PDE4D: variants seen among roughly 807,000 people sequenced by gnomAD.
The protein encoded by PDE4D is phosphodiesterase 4D.
Under a neutral mutation model 87.4 loss-of-function variants are expected in PDE4D, and 24 were observed. The observed-to-expected ratio is 0.27, with a 90% confidence interval of 0.20 to 0.39. The LOEUF (loss-of-function observed/expected upper bound fraction) is 0.39. Ranked by LOEUF, PDE4D falls within the 10% of genes least tolerant of loss-of-function variation. PDE4D has a pLI of 1.00. For missense variants in PDE4D, 714 were observed against 1,041.0 expected (o/e 0.69, Z 4.32); for synonymous variants, 384 against 383.2 (o/e 1.00, Z -0.02).
chr5:59,157,717 A>C (rs1216275265), intron 5 of PDE4D, among the ~76,000 whole-genome samples: 1 of 152,202 alleles, frequency 6.6e-6, no homozygotes, highest in Admixed American at 6.5e-5. Flanking sequence ...GACTTAAAGC[A>C]ACAAGACTTG....
At chr5:60,081,118 G>C (rs1195474927) in intron 2 of PDE4D, among the ~76,000 whole-genome samples, 1 of 151,758 alleles carries the variant, frequency 6.6e-6, no homozygotes, top group East Asian at 1.9e-4. Context: ...TAGGATGTAT[G>C]TGTTCAGGAG....
intron 1 of PDE4D, among the ~76,000 whole-genome samples, chr5:59,389,293 CTTCA>C (rs1381692570): frequency 2.3e-4 from 35 of 151,816 alleles, no homozygotes; most frequent in African/African-American, 8.2e-4. Context: ...TTTGCTGAGC[CTTCA>C]TTTTTAGCTA....
chr5:60,119,227 C>A (rs189277368), intron 2 of PDE4D, among the ~76,000 whole-genome samples: 2 of 152,156 alleles, frequency 1.3e-5, no homozygotes, highest in Non-Finnish European at 2.9e-5. Flanking sequence ...GATTGAGAGG[C>A]CTTGGTTAAC....
intron 1 of PDE4D, among the ~76,000 whole-genome samples, chr5:60,190,733 T>A (rs1271259653): frequency 1.3e-5 from 2 of 152,192 alleles, no homozygotes; most frequent in African/African-American, 2.4e-5. Context: ...AAACTAGTTT[T>A]ATCTGTCAAC....
chr5:60,349,720 A>AT (rs879649058), intron 1 of PDE4D, among the ~76,000 whole-genome samples: 23 of 152,132 alleles, frequency 1.5e-4, no homozygotes, highest in Middle Eastern at 3.4e-3. Context: ...ATAGACCCTG[A>AT]TTTTTTTTAT....
At chr5:59,137,606 A>C (rs935849679) in intron 5 of PDE4D, among the ~76,000 whole-genome samples, 12 of 150,564 alleles carry the variant, frequency 8.0e-5, no homozygotes, top group Non-Finnish European at 1.3e-4. Flanking sequence ...AGCTCGCTGC[A>C]AGCTCCGCCT....
chr5:60,203,042 G>A (rs1269903201), intron 1 of PDE4D, among the ~76,000 whole-genome samples: 1 of 152,144 alleles, frequency 6.6e-6, no homozygotes, highest in Non-Finnish European at 1.5e-5. Flanking sequence ...GCGCAATCTT[G>A]GCTCACCGCA....
At chr5:59,688,264 A>G (rs1750262190) in intron 1 of PDE4D, among the ~76,000 whole-genome samples, 1 of 152,254 alleles carries the variant, frequency 6.6e-6, no homozygotes. Flanking sequence ...AACAGAATAT[A>G]CATTCTTCTC....
At chr5:59,501,319 G>A (rs528396432) in intron 1 of PDE4D, among the ~76,000 whole-genome samples, 1 of 152,128 alleles carries the variant, frequency 6.6e-6, no homozygotes, top group African/African-American at 2.4e-5. Flanking sequence ...ATACATTTGG[G>A]GTTCAGATTT....
At chr5:59,111,441 C>A (rs2153439027) in intron 5 of PDE4D, among the ~76,000 whole-genome samples, 1 of 152,272 alleles carries the variant, frequency 6.6e-6, no homozygotes, top group East Asian at 1.9e-4. Flanking sequence ...TATTTAGGAT[C>A]CCACTTTCCA....
chr5:60,455,114 A>C (rs1746372039), intron 1 of PDE4D, among the ~76,000 whole-genome samples: 1 of 152,126 alleles, frequency 6.6e-6, no homozygotes, highest in South Asian at 2.1e-4. Context: ...TAGGGTATAA[A>C]ATTTTAAAAT....
chr5:59,359,643 C>T (rs1582148520), intron 1 of PDE4D, among the ~76,000 whole-genome samples: 1 of 152,106 alleles, frequency 6.6e-6, no homozygotes, highest in East Asian at 1.9e-4. Context: ...TAGGATGAAT[C>T]TTTACTAGCA....
chr5:59,323,088 G>C (rs969745447), intron 1 of PDE4D, among the ~76,000 whole-genome samples: 3 of 151,958 alleles, frequency 2.0e-5, no homozygotes, highest in African/African-American at 7.3e-5. Context: ...ATTTTATTTT[G>C]CCTATTCAAG....
chr5:59,684,459 G>T (rs1749533415), intron 1 of PDE4D, among the ~76,000 whole-genome samples: 1 of 152,048 alleles, frequency 6.6e-6, no homozygotes, highest in Non-Finnish European at 1.5e-5. Context: ...AAGAATTTTT[G>T]AATTACAAAA....
intron 1 of PDE4D, among the ~76,000 whole-genome samples, chr5:59,238,386 TA>T (rs1756939435): frequency 6.6e-6 from 1 of 152,152 alleles, no homozygotes; most frequent in African/African-American, 2.4e-5. Flanking sequence ...TAGGTAACAG[TA>T]ATTAGATGAG....
chr5:59,180,594 C>T lies in PDE4D; in HGVS notation c.808+1G>A. The T allele has an allele frequency of 6.2e-7, 1 of 1,612,762 alleles. No homozygotes were observed. The highest frequency in any genetic ancestry group is 8.5e-7 in the Non-Finnish European group (1 of 1,179,226). ...AAGAATAAGCTCCAGATCTTTCTTA[C>T]CTGTTATGGTGGCTTTGTTGATGGA... On this transcript the variant is annotated splice_donor_variant, in intron 5 of 14. Coordinates refer to ENST00000340635, the MANE Select transcript of PDE4D (RefSeq NM_001104631.2). LOFTEE classifies it high-confidence loss of function.
chr5:59,543,407 T>A (rs973367001), intron 1 of PDE4D, among the ~76,000 whole-genome samples: 6 of 152,158 alleles, frequency 3.9e-5, no homozygotes, highest in Non-Finnish European at 7.4e-5. Context: ...AATGGCTTTA[T>A]CAAGGTCATG....
chr5:59,513,861 G>T (rs1810695444), intron 1 of PDE4D, among the ~76,000 whole-genome samples: 1 of 152,122 alleles, frequency 6.6e-6, no homozygotes, highest in African/African-American at 2.4e-5. Flanking sequence ...AAAGATACAG[G>T]TTTAAATCTC....
chr5:60,454,173 G>T (rs1332324126), intron 1 of PDE4D, among the ~76,000 whole-genome samples: 2 of 152,012 alleles, frequency 1.3e-5, no homozygotes, highest in African/African-American at 4.8e-5. Context: ...CTTTGACTTC[G>T]GACTTCACAC....
Sources: allele counts gnomAD v4.1 joint callset (sites outside exome capture counted in the v4.1 genomes callset), GRCh38; gene constraint gnomAD v4.1.1; transcripts MANE v1.5; gene names NCBI Gene and HGNC (gene_info 2026-07-23, HGNC 2026-07-21).